Variants in CYP39A1 observed in about 807,000 individuals in gnomAD.
CYP39A1 encodes 24-hydroxycholesterol 7-alpha-hydroxylase.
A neutral mutation model predicts 58.1 loss-of-function variants in CYP39A1; 49 were observed. The observed-to-expected ratio is 0.84, with a 90% CI of 0.67 to 1.07. The LOEUF (loss-of-function observed/expected upper bound fraction) is 1.07, where lower values mean the gene tolerates loss of function less well. Ranked by LOEUF, CYP39A1 falls within the 50% of genes least tolerant of loss-of-function variation. CYP39A1 has a pLI of 0.00. For missense variants in CYP39A1, 531 were observed against 539.4 expected (o/e 0.98, Z 0.16); for synonymous variants, 209 against 187.6 (o/e 1.11, Z -0.93).
intron 10 of CYP39A1, among the ~76,000 whole-genome samples, chr6:46,556,678 T>G (rs1354662247): frequency 1.3e-5 from 2 of 152,168 alleles, no homozygotes; most frequent in East Asian, 3.9e-4. Context: ...TATTTTACAT[T>G]AAATGGCGCT....
chr6:46,575,709 A>C (rs1742471211), intron 10 of CYP39A1, among the ~76,000 whole-genome samples: 1 of 152,112 alleles, frequency 6.6e-6, no homozygotes, highest in African/African-American at 2.4e-5. Flanking sequence ...AAACACCTCA[A>C]ACGCTCCAGC....
intron 10 of CYP39A1, chr6:46,583,134 A>C: frequency 4.1e-6 from 4 of 985,378 alleles, no homozygotes; most frequent in Non-Finnish European, 4.8e-6. Flanking sequence ...ATTCCTGAGG[A>C]ATCCATGCTT....
intron 5 of CYP39A1, 135 bp from the exon 6 acceptor site, chr6:46,631,205 A>C: frequency 1.4e-6 from 1 of 694,732 alleles, no homozygotes; most frequent in South Asian, 1.8e-5. Context: ...AGTTTGAGGC[A>C]TGTGAAGGGA....
chr6:46,574,680 C>G (rs1213789088), intron 10 of CYP39A1, among the ~76,000 whole-genome samples: 1 of 152,002 alleles, frequency 6.6e-6, no homozygotes, highest in Non-Finnish European at 1.5e-5. Flanking sequence ...TTCTTTCTCT[C>G]CATAGATACA....
At position 46,624,458 on chromosome 6, in the gene CYP39A1, G is replaced by A. The variant is rs757544915; in HGVS notation, c.931+960C>T. On this transcript the variant is annotated intron_variant, in intron 7 of 11. Coordinates refer to ENST00000275016, the MANE Select transcript of CYP39A1 (RefSeq NM_016593.5). ...TAATGATGCTCACCATTTCTATAAG[G>A]TCCAGCATCTGCTGACGCATACTCA... Among the ~76,000 whole-genome samples the A allele has an allele frequency of 5.9e-4, 90 of 152,028 alleles. 1 individual carries two copies. The highest frequency in any genetic ancestry group is 1.0e-3 in the Non-Finnish European group (71 of 68,008).
intron 1 of CYP39A1, among the ~76,000 whole-genome samples, chr6:46,647,031 A>G (rs2150608261): frequency 6.6e-6 from 1 of 150,398 alleles, no homozygotes; most frequent in Admixed American, 6.6e-5. Context: ...TTAATTTTCA[A>G]CTTCATTGAT....
intron 10 of CYP39A1, among the ~76,000 whole-genome samples, chr6:46,572,182 G>T (rs1771620337): frequency 8.3e-6 from 1 of 120,974 alleles, no homozygotes; most frequent in African/African-American, 4.8e-5. Flanking sequence ...ATTTTTTTCG[G>T]GAGTTAAAAA....
In CYP39A1 at chr6:46,625,402, T is replaced by C. The variant is rs558194533; in HGVS notation, c.931+16A>G. Reference sequence around the variant, plus strand: ...GCATTATTAGCTGTGTCTTCCTATATAATAAGGTTTAGTACCTGCTTTGCC... The same window carrying C: ...GCATTATTAGCTGTGTCTTCCTATACAATAAGGTTTAGTACCTGCTTTGCC... On this transcript the variant is annotated intron_variant, in intron 7 of 11. Transcript: ENST00000275016. The C allele has an allele frequency of 2.6e-6, 4 of 1,566,206 alleles. No individual in the cohort carries two copies. The highest frequency in any genetic ancestry group is 2.6e-6 in the Non-Finnish European group (3 of 1,146,804).
chr6:46,631,324 T>C (rs1009610718), intron 5 of CYP39A1, among the ~76,000 whole-genome samples: 2 of 152,204 alleles, frequency 1.3e-5, no homozygotes, highest in African/African-American at 4.8e-5. Flanking sequence ...TGGATGACCT[T>C]GAACAAGCTA....
At chr6:46,624,539 G>A (rs1775183280) in intron 7 of CYP39A1, among the ~76,000 whole-genome samples, 1 of 151,226 alleles carries the variant, frequency 6.6e-6, no homozygotes, top group Non-Finnish European at 1.5e-5. Context: ...TTACTTTTTG[G>A]TTTAACTCCA....
At chr6:46,645,064 A>G (rs1055432451) in intron 1 of CYP39A1, among the ~76,000 whole-genome samples, 1 of 152,064 alleles carries the variant, frequency 6.6e-6, no homozygotes, top group African/African-American at 2.4e-5. Context: ...GTGGTTTGCA[A>G]ATATTTTATC....
intron 6 of CYP39A1, among the ~76,000 whole-genome samples, chr6:46,629,080 G>A (rs1775494512): frequency 6.6e-6 from 1 of 152,150 alleles, no homozygotes; most frequent in Non-Finnish European, 1.5e-5. Context: ...ATTGGCTTTG[G>A]ATCTGACTCT....
At chr6:46,579,875 A>G (rs1197526706) in intron 10 of CYP39A1, among the ~76,000 whole-genome samples, 4 of 152,178 alleles carry the variant, frequency 2.6e-5, no homozygotes, top group African/African-American at 7.2e-5. Flanking sequence ...AAATGGAGAA[A>G]GTGTTCCATG....
chr6:46,643,671 T>C (rs1731207252), intron 1 of CYP39A1, among the ~76,000 whole-genome samples: 1 of 152,212 alleles, frequency 6.6e-6, no homozygotes, highest in South Asian at 2.1e-4. Context: ...ATACATTGAA[T>C]CAGCAGTTGA....
intron 10 of CYP39A1, among the ~76,000 whole-genome samples, chr6:46,585,523 G>A (rs1468062346): frequency 6.6e-6 from 1 of 152,086 alleles, no homozygotes; most frequent in South Asian, 2.1e-4. Context: ...AAAATAATAT[G>A]AGAGGCAGGA....
In CYP39A1 at chr6:46,550,207, T is replaced by G. The variant is rs1650180730; in HGVS notation, c.*159A>C. The G allele has an allele frequency of 2.0e-6, 1 of 498,870 alleles. No individual in the cohort carries two copies. The highest frequency in any genetic ancestry group is 2.0e-5 in the African/African-American group (1 of 50,912). The allele number at this position is 498,870 out of a possible 1,614,324, so 30.9% of individuals were successfully genotyped here. A position where few individuals can be genotyped will look rare whatever the true frequency, so the allele number is the denominator to read the frequency against. On this transcript the variant is annotated 3_prime_UTR_variant, in exon 12 of 12. Coordinates refer to ENST00000275016, the MANE Select transcript of CYP39A1 (RefSeq NM_016593.5). ...TGATGTTAGATTCTTGGTCTACTGTTGAAGATACCAAACACATGCACCATT... is the reference window on the plus strand; with the variant it reads ...TGATGTTAGATTCTTGGTCTACTGTGGAAGATACCAAACACATGCACCATT...
chr6:46,593,646 C>T (rs1772976292), intron 8 of CYP39A1, among the ~76,000 whole-genome samples: 1 of 152,042 alleles, frequency 6.6e-6, no homozygotes, highest in Non-Finnish European at 1.5e-5. Flanking sequence ...TGTTCTATTA[C>T]AAAATTTCCT....
chr6:46,625,586 T>C, intron 6 of CYP39A1, 78 bp from the exon 7 acceptor site: 4 of 1,006,176 alleles, frequency 4.0e-6, no homozygotes, highest in African/African-American at 1.6e-5. Flanking sequence ...TAGCCATACA[T>C]ATATTTTTTA....
At chr6:46,560,375 G>A (rs1395109778) in intron 10 of CYP39A1, among the ~76,000 whole-genome samples, 1 of 149,744 alleles carries the variant, frequency 6.7e-6, no homozygotes, top group Non-Finnish European at 1.5e-5. Context: ...GCCATAGTTA[G>A]AGTCTGGATA....
Sources: allele counts gnomAD v4.1 joint callset (sites outside exome capture counted in the v4.1 genomes callset), GRCh38; gene constraint gnomAD v4.1.1; transcripts MANE v1.5; gene names NCBI Gene and HGNC (gene_info 2026-07-23, HGNC 2026-07-21).